JADE1: variants seen among roughly 807,000 people sequenced by gnomAD.
JADE1 encodes jade family PHD finger 1.
JADE1 carries 14 observed loss-of-function variants against 81.8 expected under a neutral mutation model. That is an observed-to-expected ratio of 0.17 (90% confidence interval 0.11 to 0.27). The LOEUF (loss-of-function observed/expected upper bound fraction) is 0.27, where lower values mean the gene tolerates loss of function less well. JADE1 is among the 10% of genes least tolerant of loss of function. JADE1 has a pLI of 1.00. For synonymous variants in JADE1, 353 were observed against 391.9 expected, an observed-to-expected ratio of 0.90 and a Z score of 1.17; for missense variants, 690 against 1,047.9, an observed-to-expected ratio of 0.66 and a Z score of 4.71.
intron 1 of JADE1, 71 bp downstream of exon 1, chr4:128,809,948 G>C (rs1158543833): frequency 6.5e-6 from 1 of 152,992 alleles, no homozygotes; most frequent in African/African-American, 2.4e-5. Context: ...GTCCGCGTGT[G>C]GGTCCGTGTG....
At chr4:128,839,390 C>T (rs941920902) in intron 2 of JADE1, among the ~76,000 whole-genome samples, 17 of 152,152 alleles carry the variant, frequency 1.1e-4, no homozygotes, top group Non-Finnish European at 4.4e-5. Context: ...GAATTTTTTT[C>T]CCCTTACTGT....
chr4:128,870,983 C>T (rs1474391853), intron 10 of JADE1, among the ~76,000 whole-genome samples: 3 of 152,168 alleles, frequency 2.0e-5, no homozygotes, highest in Non-Finnish European at 2.9e-5. Flanking sequence ...AGGAGCGCGG[C>T]GCAGGTGCTG....
chr4:128,861,599 G>A, intron 8 of JADE1, 105 bp from the exon 9 acceptor site: 1 of 1,241,348 alleles, frequency 8.1e-7, no homozygotes, highest in Non-Finnish European at 1.1e-6. Flanking sequence ...CTTGAAGCAT[G>A]GCTCTTCTCT....
chr4:128,864,659 CTGTT>C, intron 9 of JADE1: 1 of 944,128 alleles, frequency 1.1e-6, no homozygotes, highest in Non-Finnish European at 1.3e-6. Context: ...AGTTAGTTTT[CTGTT>C]TAATTCACAC....
At chr4:128,868,750 G>A (rs527575008) in intron 10 of JADE1, among the ~76,000 whole-genome samples, 8 of 152,182 alleles carry the variant, frequency 5.3e-5, no homozygotes, top group Non-Finnish European at 1.2e-4. Context: ...GCCCCCAAAA[G>A]TAGGTAGTAT....
At chr4:128,842,831 A>G in intron 2 of JADE1, 122 bp from the exon 3 acceptor site, 1 of 747,080 alleles carries the variant, frequency 1.3e-6, no homozygotes. Context: ...AGGGCATCAC[A>G]GGTGGTCTCA....
chr4:128,862,819 T>A, intron 9 of JADE1: 3 of 996,102 alleles, frequency 3.0e-6, no homozygotes, highest in Non-Finnish European at 3.6e-6. Flanking sequence ...TGTGTGTGCA[T>A]GAGCTGTATG....
intron 2 of JADE1, 108 bp from the exon 3 acceptor site, chr4:128,842,845 T>G (rs1165683658): frequency 2.4e-6 from 2 of 846,518 alleles, no homozygotes; most frequent in Non-Finnish European, 4.0e-6. Context: ...GGTCTCATGG[T>G]GCAGTGCTGA....
In JADE1 at chr4:128,855,802, G is replaced by A. The variant is rs1380168706; in HGVS notation, c.864+5G>A. On this transcript the variant is annotated splice_donor_5th_base_variant and intron_variant, in intron 7 of 10. Coordinates refer to ENST00000226319, the MANE Select transcript of JADE1 (RefSeq NM_199320.4). ...TGTGCTCTGTGGATCCCTGAGGTAC[G>A]TGTGGTTCTTTTTTTGTTGTTTTTA... 1.9e-6 allele frequency: 3 copies of A among 1,580,940 alleles called. No individual in the cohort carries two copies. Among genetic ancestry groups the A allele is most frequent in the Non-Finnish European group, 1.7e-6 (2 of 1,161,968 alleles).
intron 3 of JADE1, among the ~76,000 whole-genome samples, chr4:128,844,545 C>G (rs1414618303): frequency 6.6e-6 from 1 of 152,040 alleles, no homozygotes; most frequent in Admixed American, 6.6e-5. Flanking sequence ...TGGCAAACTC[C>G]TTTGTTTTTT....
At chr4:128,848,902 AC>A (rs1204386708) in intron 4 of JADE1, 77 bp from the exon 5 acceptor site, 2 of 1,406,592 alleles carry the variant, frequency 1.4e-6, no homozygotes, top group African/African-American at 2.9e-5. Flanking sequence ...GAAGAGGAAG[AC>A]ATTTGGGGCC....
intron 2 of JADE1, among the ~76,000 whole-genome samples, chr4:128,835,165 A>G (rs186478003): frequency 2.0e-5 from 3 of 152,348 alleles, no homozygotes; most frequent in African/African-American, 7.2e-5. Flanking sequence ...TAGGCTAAAC[A>G]TGGAAATCTG....
chr4:128,824,745 C>T (rs1476649706), intron 1 of JADE1, among the ~76,000 whole-genome samples: 2 of 152,122 alleles, frequency 1.3e-5, no homozygotes, highest in African/African-American at 2.4e-5. Flanking sequence ...ATGTAGCGGT[C>T]TTTAATTGAG....
chr4:128,844,596 C>T (rs1729712081), intron 3 of JADE1, among the ~76,000 whole-genome samples: 1 of 152,012 alleles, frequency 6.6e-6, no homozygotes, highest in Non-Finnish European at 1.5e-5. Flanking sequence ...ACCTGATTGG[C>T]TCTTGAAGGT....
Position 128,861,757 on chromosome 4 carries a change from G to T in JADE1, c.1035G>T (p.Arg345=), listed in dbSNP as rs1268753059. ...TAFHVTCAFD[R]GLEMKTILAE... ...TCCATGTGACCTGTGCTTTTGACCG[G>T]GGCCTGGAGATGAAGACCATCTTAG... is the stretch of plus-strand genomic sequence containing the variant. The change falls in exon 9 of 11, where the codon CGG becomes CGT. Residue 345 remains arginine, a synonymous_variant. Coordinates refer to ENST00000226319, the MANE Select transcript of JADE1 (RefSeq NM_199320.4). The T allele has an allele frequency of 2.5e-6, 4 of 1,614,192 alleles. No homozygotes were observed. The South Asian group carries it at 3.3e-5, about 13-fold the overall frequency.
chr4:128,819,957 G>T (rs1214346130), intron 1 of JADE1, among the ~76,000 whole-genome samples: 2 of 152,168 alleles, frequency 1.3e-5, no homozygotes, highest in Non-Finnish European at 2.9e-5. Context: ...CTTTGCACTA[G>T]ATCTACTTAT....
intron 9 of JADE1, chr4:128,863,872 G>T: frequency 1.0e-6 from 1 of 985,420 alleles, no homozygotes; most frequent in Non-Finnish European, 1.2e-6. Flanking sequence ...GAAGTCTATT[G>T]TTTGGACTGT....
chr4:128,862,317 TA>T lies in JADE1; in HGVS notation c.1503+93del. The T allele has an allele frequency of 1.9e-6, 3 of 1,563,786 alleles. No individual in the cohort carries two copies. The Admixed American group carries it at 5.7e-5, about 29-fold the overall frequency. On this transcript the variant is annotated intron_variant, in intron 9 of 10. Transcript: ENST00000226319. The stretch of plus-strand genomic sequence containing the variant: ...CAGAGCAAGAAATGATAGCCAGTCA[TA>T]TACTCTCAGACCCTTGTACACACCA...
intron 1 of JADE1, among the ~76,000 whole-genome samples, chr4:128,816,885 T>C (rs996621753): frequency 2.0e-4 from 29 of 146,558 alleles, no homozygotes; most frequent in Non-Finnish European, 2.9e-4. Flanking sequence ...TTCTCTCTCT[T>C]TTTTTTTTTT....
Sources: gnomAD v4.1 joint callset for allele counts (sites outside exome capture counted in the v4.1 genomes callset) on GRCh38, gnomAD v4.1.1 for gene constraint, MANE v1.5 for transcripts, NCBI Gene and HGNC (gene_info 2026-07-23, HGNC 2026-07-21) for gene names.